Variants in PTPN2 observed in about 807,000 individuals in gnomAD.
The protein encoded by PTPN2 is protein tyrosine phosphatase non-receptor type 2.
In PTPN2, 19 loss-of-function variants were observed where a neutral mutation model predicts 57.3. That is an observed-to-expected ratio of 0.33 (90% CI 0.23 to 0.49). PTPN2 has a LOEUF of 0.49. PTPN2 is among the 20% of genes least tolerant of loss of function. PTPN2 has a pLI of 0.99. For missense variants in PTPN2, 358 were observed against 501.1 expected, an observed-to-expected ratio of 0.71 and a Z score of 2.73; for synonymous variants, 153 against 164.9, an observed-to-expected ratio of 0.93 and a Z score of 0.55.
intron 1 of PTPN2, among the ~76,000 whole-genome samples, chr18:12,872,043 T>A (rs2044283797): frequency 8.0e-6 from 1 of 124,416 alleles, no homozygotes. Flanking sequence ...AGCAAGACTC[T>A]GTCTCAAAAA....
At chr18:12,830,158 A>C (rs796597885) in intron 4 of PTPN2, among the ~76,000 whole-genome samples, 8 of 151,096 alleles carry the variant, frequency 5.3e-5, no homozygotes, top group African/African-American at 1.9e-4. Flanking sequence ...GCTGCAGTGC[A>C]GTGGGTTTTG....
In PTPN2 at chr18:12,874,622, C is replaced by T. The variant is rs572431934; in HGVS notation, c.69+9451G>A. On this transcript the variant is annotated intron_variant, in intron 1 of 8. Coordinates refer to ENST00000309660, the MANE Select transcript of PTPN2 (RefSeq NM_002828.4). ...CCCCCGCCCGGCCAGCCGCCCCGTC[C>T]GGGAGGGAGGTGGGGGGGTCAGCCC... Among the ~76,000 whole-genome samples the T allele has an allele frequency of 4.1e-3, 549 of 132,912 alleles. 3 individuals are homozygous for T. Among genetic ancestry groups the T allele is most frequent in the Middle Eastern group, 0.014 (3 of 218 alleles). 87.2% of individuals were successfully genotyped at this position (132,912 alleles called of 152,430 possible).
intron 7 of PTPN2, among the ~76,000 whole-genome samples, chr18:12,809,779 A>C (rs759382374): frequency 2.0e-5 from 3 of 152,252 alleles, no homozygotes; most frequent in Non-Finnish European, 2.9e-5. Flanking sequence ...TACTGTTAAA[A>C]GCAATGCTTG....
chr18:12,871,126 T>C (rs1233992023), intron 1 of PTPN2, among the ~76,000 whole-genome samples: 2 of 152,212 alleles, frequency 1.3e-5, no homozygotes, highest in African/African-American at 2.4e-5. Context: ...ACTTAGTATA[T>C]ATTAAAAGTA....
chr18:12,813,277 A>T (rs1379773250), intron 7 of PTPN2, among the ~76,000 whole-genome samples: 2 of 152,218 alleles, frequency 1.3e-5, no homozygotes, highest in African/African-American at 4.8e-5. Flanking sequence ...TAAATCACTG[A>T]TCACTGCCAA....
intron 4 of PTPN2, among the ~76,000 whole-genome samples, chr18:12,828,586 A>G (rs2042558397): frequency 6.6e-6 from 1 of 152,222 alleles, no homozygotes; most frequent in Admixed American, 6.5e-5. Context: ...CTTGGTATGA[A>G]AAAGGAAATA....
At chr18:12,802,899 CATGAAAATAT>C (rs1389090893) in intron 7 of PTPN2, among the ~76,000 whole-genome samples, 41 of 152,274 alleles carry the variant, frequency 2.7e-4, no homozygotes, top group Non-Finnish European at 3.4e-4. Context: ...TAATTACTAT[CATGAAAATAT>C]ATGAAAATAT....
At chr18:12,814,424 C>A in intron 6 of PTPN2, 69 bp from the exon 7 acceptor site, 1 of 1,340,852 alleles carries the variant, frequency 7.5e-7, no homozygotes, top group South Asian at 1.4e-5. Context: ...AATGCAAGAT[C>A]ATTGCTAAGA....
rs573399191 is a variant in PTPN2 at position 12,860,380 on chromosome 18, C to A, written c.70-1126G>T. Among the ~76,000 whole-genome samples, 4 of 151,828 alleles carry A rather than the reference C, an allele frequency of 2.6e-5. No homozygotes were observed. In the South Asian group the frequency reaches 8.3e-4, roughly 32 times the overall value. ...TTGGGAGGCCGAGGTGGGTGGATCA[C>A]GAGGTCAGGAGTTCAAGACCAGCCT... On this transcript the variant is annotated intron_variant, in intron 1 of 8. Transcript: ENST00000309660.
intron 1 of PTPN2, among the ~76,000 whole-genome samples, chr18:12,872,804 T>C (rs2044315134): frequency 6.6e-6 from 1 of 152,240 alleles, no homozygotes; most frequent in Non-Finnish European, 1.5e-5. Context: ...GAACCATTAG[T>C]AGTACTGTAC....
chr18:12,835,465 T>C (rs2145393123), intron 3 of PTPN2, among the ~76,000 whole-genome samples: 2 of 130,740 alleles, frequency 1.5e-5, no homozygotes, highest in African/African-American at 5.5e-5. Flanking sequence ...CACCTCCACC[T>C]CCCGGGTTCA....
chr18:12,815,233 A>G (rs1309123772), intron 6 of PTPN2, among the ~76,000 whole-genome samples: 3 of 151,662 alleles, frequency 2.0e-5, no homozygotes, highest in Non-Finnish European at 4.4e-5. Context: ...ACAACATGGT[A>G]AAACCCCGTC....
chr18:12,846,263 A>G (rs574964405), intron 2 of PTPN2, among the ~76,000 whole-genome samples: 4 of 152,242 alleles, frequency 2.6e-5, no homozygotes, highest in South Asian at 2.1e-4. Flanking sequence ...CTTATATTTA[A>G]TAAGTATTTT....
chr18:12,842,412 A>C (rs2043075170), intron 2 of PTPN2, among the ~76,000 whole-genome samples: 1 of 152,210 alleles, frequency 6.6e-6, no homozygotes, highest in Non-Finnish European at 1.5e-5. Flanking sequence ...ATGAGTAATA[A>C]ATGCTAAGAA....
chr18:12,798,575 A>T (rs1490601555), intron 8 of PTPN2, among the ~76,000 whole-genome samples: 1 of 152,158 alleles, frequency 6.6e-6, no homozygotes, highest in Non-Finnish European at 1.5e-5. Flanking sequence ...AAGCCCCTAC[A>T]AAGGACATGA....
downstream of PTPN2, among the ~76,000 whole-genome samples, chr18:12,788,432 C>T (rs1174997511): frequency 4.7e-4 from 42 of 90,088 alleles, no homozygotes; most frequent in Admixed American, 8.6e-4. Context: ...GGGATCAGGG[C>T]TTTTTTTTTT....
chr18:12,884,059 GGT>G lies in PTPN2; in HGVS notation c.69+12_69+13del, dbSNP rs2044772541. Reference sequence around the variant, plus strand: ...GGAGGAGGTCGGCGACTGCCGCGTGGGTCCGCGACTCACCAAGTACAGCGGCT... The same window carrying G: ...GGAGGAGGTCGGCGACTGCCGCGTGGCCGCGACTCACCAAGTACAGCGGCT... On this transcript the variant is annotated intron_variant, in intron 1 of 8. Transcript: ENST00000309660. 3.8e-6 allele frequency: 6 copies of G among 1,565,246 alleles called. No individual in the cohort carries two copies. Among genetic ancestry groups the G allele is most frequent in the Non-Finnish European group, 5.2e-6 (6 of 1,156,788 alleles).
chr18:12,802,982 A>T (rs1416867671), intron 7 of PTPN2, among the ~76,000 whole-genome samples: 1 of 152,224 alleles, frequency 6.6e-6, no homozygotes, highest in Non-Finnish European at 1.5e-5. Context: ...GTAACTGTGG[A>T]ATATAATCTT....
chr18:12,873,422 C>T (rs544952043), intron 1 of PTPN2, among the ~76,000 whole-genome samples: 4 of 152,340 alleles, frequency 2.6e-5, no homozygotes, highest in East Asian at 1.9e-4. Flanking sequence ...AGAGTGCCTG[C>T]GAGTGCAGGT....
Sources: allele counts gnomAD v4.1 joint callset (sites outside exome capture counted in the v4.1 genomes callset), GRCh38; gene constraint gnomAD v4.1.1; transcripts MANE v1.5; gene names NCBI Gene and HGNC (gene_info 2026-07-23, HGNC 2026-07-21).